The following BACE2 variants were observed in gnomAD, a reference collection of about 807,000 sequenced individuals.
BACE2 encodes beta-secretase 2.
In BACE2, 17 loss-of-function variants were observed where a neutral mutation model predicts 46.2. The ratio of observed to expected loss-of-function variants is 0.37; its 90% CI spans 0.25 to 0.55. BACE2 has a LOEUF of 0.55. Among genes scored for constraint, BACE2 ranks in the 20% least tolerant of loss-of-function variants. The pLI, the probability that BACE2 is intolerant of heterozygous loss-of-function variation, is 0.82. For missense variants in BACE2, 595 were observed against 698.1 expected (o/e 0.85, Z 1.66); for synonymous variants, 277 against 295.9 (o/e 0.94, Z 0.66).
At chr21:41,224,484 C>T (rs2123570755) in intron 1 of BACE2, among the ~76,000 whole-genome samples, 1 of 152,312 alleles carries the variant, frequency 6.6e-6, no homozygotes, top group Admixed American at 6.5e-5. Context: ...CCACTGTGCC[C>T]ATCCGATTTT....
intron 1 of BACE2, among the ~76,000 whole-genome samples, chr21:41,172,465 C>T (rs1984639569): frequency 6.6e-6 from 1 of 152,202 alleles, no homozygotes; most frequent in Non-Finnish European, 1.5e-5. Context: ...ACTTAATTTT[C>T]AGACAGGGTA....
At chr21:41,213,756 A>T (rs1327609731) in intron 1 of BACE2, among the ~76,000 whole-genome samples, 1 of 152,014 alleles carries the variant, frequency 6.6e-6, no homozygotes, top group Non-Finnish European at 1.5e-5. Context: ...CCTGGGTGAC[A>T]GAGCGATACT....
chr21:41,234,421 G>C (rs1987056336), intron 2 of BACE2, among the ~76,000 whole-genome samples: 1 of 152,166 alleles, frequency 6.6e-6, no homozygotes, highest in Non-Finnish European at 1.5e-5. Flanking sequence ...AGTAAATAAA[G>C]TTCTATCAGA....
intron 8 of BACE2, among the ~76,000 whole-genome samples, chr21:41,264,107 C>T (rs1289953410): frequency 6.6e-6 from 1 of 152,134 alleles, no homozygotes; most frequent in African/African-American, 2.4e-5. Flanking sequence ...CTCTGTTCAG[C>T]TATGTTCAAT....
chr21:41,173,390 C>T (rs1440336148), intron 1 of BACE2, among the ~76,000 whole-genome samples: 1 of 152,220 alleles, frequency 6.6e-6, no homozygotes, highest in East Asian at 1.9e-4. Flanking sequence ...AGGAGTGTTT[C>T]TGCTTCCCTT....
intron 1 of BACE2, among the ~76,000 whole-genome samples, chr21:41,174,282 A>G (rs1353142908): frequency 6.6e-6 from 1 of 151,528 alleles, no homozygotes; most frequent in African/African-American, 2.4e-5. Context: ...AGCTGCGACT[A>G]CAGGTGTGTG....
intron 1 of BACE2, among the ~76,000 whole-genome samples, chr21:41,170,294 ATTAAT>A: frequency 6.6e-6 from 1 of 152,184 alleles, no homozygotes; most frequent in African/African-American, 2.4e-5. Context: ...ATGAGGTTTA[ATTAAT>A]TTAATTAACA....
At chr21:41,244,428 A>G (rs979686685) in intron 5 of BACE2, among the ~76,000 whole-genome samples, 1 of 152,094 alleles carries the variant, frequency 6.6e-6, no homozygotes, top group Non-Finnish European at 1.5e-5. Context: ...GAAAATTACA[A>G]TCAAAGGGGG....
At chr21:41,178,945 G>A in intron 1 of BACE2, 1 of 449,928 alleles carries the variant, frequency 2.2e-6, no homozygotes, top group South Asian at 2.8e-5. Context: ...GCTTTATAAG[G>A]GCGGTTATGG....
Position 41,275,780 on chromosome 21 carries a change from T to A in BACE2, c.*156T>A, listed in dbSNP as rs1179541310. The A allele has an allele frequency of 1.2e-6, 1 of 861,732 alleles. No homozygotes were observed. Among genetic ancestry groups the A allele is most frequent in the Non-Finnish European group, 1.7e-6 (1 of 579,846 alleles). 53.4% of individuals were successfully genotyped at this position (861,732 alleles called of 1,614,324 possible). A position where few individuals can be genotyped will look rare whatever the true frequency, so the allele number is the denominator to read the frequency against. ...GATGCCTTCTAGATTCACTGTCTTT[T>A]GATTCTTGATTTTCAAGCTTTCAAA... is the stretch of plus-strand genomic sequence containing the variant. On this transcript the variant is annotated 3_prime_UTR_variant, in exon 9 of 9. Coordinates refer to ENST00000330333, the MANE Select transcript of BACE2 (RefSeq NM_012105.5).
intron 7 of BACE2, among the ~76,000 whole-genome samples, chr21:41,256,287 AT>A (rs755297719): frequency 7.9e-4 from 120 of 151,966 alleles, no homozygotes; most frequent in Non-Finnish European, 1.4e-3. Flanking sequence ...TCCTCTCCGT[AT>A]GTCCATGTGT....
At chr21:41,237,114 C>A (rs939289054) in intron 2 of BACE2, among the ~76,000 whole-genome samples, 2 of 152,150 alleles carry the variant, frequency 1.3e-5, no homozygotes, top group Admixed American at 1.3e-4. Context: ...GACACGGCAA[C>A]CTTATCTTCA....
chr21:41,207,132 C>T (rs1986151991), intron 1 of BACE2, among the ~76,000 whole-genome samples: 1 of 152,158 alleles, frequency 6.6e-6, no homozygotes, highest in African/African-American at 2.4e-5. Context: ...TTTATTCACA[C>T]TTCTTTAGAA....
At chr21:41,185,709 G>A (rs555880248) in intron 1 of BACE2, among the ~76,000 whole-genome samples, 3 of 152,296 alleles carry the variant, frequency 2.0e-5, no homozygotes, top group African/African-American at 7.2e-5. Flanking sequence ...AACCCAAAAT[G>A]CCTGCGTTTC....
intron 1 of BACE2, among the ~76,000 whole-genome samples, chr21:41,220,594 G>C (rs532649912): frequency 6.6e-6 from 1 of 152,070 alleles, no homozygotes; most frequent in Non-Finnish European, 1.5e-5. Context: ...CCTTTTGTAC[G>C]TTTATGAGAA....
chr21:41,261,163 A>T (rs1987926568), intron 8 of BACE2, among the ~76,000 whole-genome samples: 1 of 152,220 alleles, frequency 6.6e-6, no homozygotes, highest in African/African-American at 2.4e-5. Flanking sequence ...TAGGAATGGA[A>T]TTTCTAAATG....
At chr21:41,270,930 G>A (rs2088428154) in intron 8 of BACE2, among the ~76,000 whole-genome samples, 2 of 152,056 alleles carry the variant, frequency 1.3e-5, no homozygotes. Context: ...TTGTGGATTT[G>A]TCTATTTCTC....
intron 7 of BACE2, among the ~76,000 whole-genome samples, chr21:41,254,124 G>A (rs1260857372): frequency 2.0e-5 from 3 of 152,174 alleles, no homozygotes; most frequent in African/African-American, 7.2e-5. Context: ...GTGGGCAAAC[G>A]ATTGCTCCTG....
At chr21:41,180,460 A>C (rs1985076380) in intron 1 of BACE2, 1 of 167,734 alleles carries the variant, frequency 6.0e-6, no homozygotes, top group Admixed American at 6.5e-5. Flanking sequence ...AGGAGTAAAA[A>C]TCTCTGGATA....
Sources: gnomAD v4.1 joint callset for allele counts (sites outside exome capture counted in the v4.1 genomes callset) on GRCh38, gnomAD v4.1.1 for gene constraint, MANE v1.5 for transcripts, NCBI Gene and HGNC (gene_info 2026-07-23, HGNC 2026-07-21) for gene names.